MARCHF4: variants seen among roughly 807,000 people sequenced by gnomAD.
MARCHF4 encodes membrane associated ring-CH-type finger 4.
Under a neutral mutation model 43.9 loss-of-function variants are expected in MARCHF4, and 14 were observed. That is an observed-to-expected ratio of 0.32 (90% CI 0.21 to 0.50). MARCHF4 has a LOEUF of 0.50. MARCHF4 is among the 20% of genes least tolerant of loss of function. MARCHF4 has a pLI of 0.98. For synonymous variants in MARCHF4, 226 were observed against 213.3 expected, an observed-to-expected ratio of 1.06 and a Z score of -0.52; for missense variants, 468 against 536.7, an observed-to-expected ratio of 0.87 and a Z score of 1.27.
rs975360451 is a variant in MARCHF4 at position 216,372,185 on chromosome 2, C to T, written c.-1925G>A. On this transcript the variant is annotated 5_prime_UTR_variant, in exon 1 of 4. Coordinates refer to ENST00000273067, the MANE Select transcript of MARCHF4 (RefSeq NM_020814.3). ...GTTGCTCAGCACCCGCCGCTGCCCC[C>T]ACTGGCTCGATTCCCAAAGGGGTGG... is the stretch of plus-strand genomic sequence containing the variant. Among the ~76,000 whole-genome samples, 2 of 152,240 alleles carry T rather than the reference C, an allele frequency of 1.3e-5. No individual in the cohort carries two copies. The highest frequency in any genetic ancestry group is 2.4e-5 in the African/African-American group (1 of 41,472).
At chr2:216,338,437 T>C (rs1349059955) in intron 1 of MARCHF4, among the ~76,000 whole-genome samples, 1 of 152,184 alleles carries the variant, frequency 6.6e-6, no homozygotes, top group Non-Finnish European at 1.5e-5. Context: ...CTGCAGGTAG[T>C]AGCTTCAACA....
chr2:216,271,193 C>G (rs1008827971), intron 3 of MARCHF4, among the ~76,000 whole-genome samples: 1 of 152,194 alleles, frequency 6.6e-6, no homozygotes, highest in African/African-American at 2.4e-5. Context: ...AGCCCCTTGC[C>G]CATCACCCAC....
chr2:216,288,371 C>A lies in MARCHF4; in HGVS notation c.517-4642G>T, dbSNP rs947491660. Among the ~76,000 whole-genome samples the A allele has an allele frequency of 7.2e-5, 11 of 152,174 alleles. No homozygotes were observed. The East Asian group carries it at 1.7e-3, about 24-fold the overall frequency. ...ATTCTAACTCACATTTCTGTAAGAA[C>A]TTTAATTTCATAGTTTTTTCTTCTG... On this transcript the variant is annotated intron_variant, in intron 1 of 3. Transcript: ENST00000273067.
intron 1 of MARCHF4, among the ~76,000 whole-genome samples, chr2:216,293,983 ACC>A: frequency 6.6e-6 from 1 of 151,928 alleles, no homozygotes; most frequent in South Asian, 2.1e-4. Flanking sequence ...CATTACCATC[ACC>A]ATTGTTACCA....
rs876771 is a variant in MARCHF4, at chr2:216,283,694, C to A, written c.552G>T (p.Ser184=). The change falls in exon 2 of 4, where the codon TCG becomes TCT. Residue 184 remains serine (S), a synonymous_variant. Coordinates refer to ENST00000273067, the MANE Select transcript of MARCHF4 (RefSeq NM_020814.3). ...GGCAAGGCTGGTGTGTGCACTTGAC[C>A]GAGCCATCACAGCGGCATGGGCTCA... ...ELLSPCRCDG[S]VKCTHQPCLI... 0.47 allele frequency: 760,023 copies of A among 1,611,272 alleles called. 181,462 individuals carry two copies. Among genetic ancestry groups the A allele is most frequent in the South Asian group, 0.53 (48,278 of 90,972 alleles).
intron 3 of MARCHF4, among the ~76,000 whole-genome samples, chr2:216,268,664 T>A (rs957678028): frequency 7.9e-5 from 12 of 152,198 alleles, no homozygotes; most frequent in Admixed American, 2.0e-4. Context: ...TTTATAGCAG[T>A]GTGAAAATGG....
At chr2:216,296,568 G>A (rs1429096814) in intron 1 of MARCHF4, among the ~76,000 whole-genome samples, 3 of 152,152 alleles carry the variant, frequency 2.0e-5, no homozygotes, top group Non-Finnish European at 4.4e-5. Context: ...TGGGGGTTTT[G>A]TTTTGTCTGC....
At chr2:216,353,959 C>A (rs981667292) in intron 1 of MARCHF4, among the ~76,000 whole-genome samples, 4 of 152,182 alleles carry the variant, frequency 2.6e-5, no homozygotes, top group African/African-American at 9.7e-5. Context: ...GCTTCTGAAC[C>A]CACAAAGTTT....
intron 1 of MARCHF4, among the ~76,000 whole-genome samples, chr2:216,351,220 G>A (rs1692399284): frequency 6.6e-6 from 1 of 152,226 alleles, no homozygotes; most frequent in South Asian, 2.1e-4. Flanking sequence ...GCCACTGGGA[G>A]TCCCACTGCA....
intron 3 of MARCHF4, among the ~76,000 whole-genome samples, chr2:216,267,397 A>G (rs1690863225): frequency 6.6e-6 from 1 of 152,206 alleles, no homozygotes; most frequent in South Asian, 2.1e-4. Flanking sequence ...GGGGCAGAAG[A>G]CGACTTCTTC....
chr2:216,351,118 GT>G (rs2105979335), intron 1 of MARCHF4, among the ~76,000 whole-genome samples: 1 of 152,234 alleles, frequency 6.6e-6, no homozygotes, highest in African/African-American at 2.4e-5. Context: ...CATAATAGCT[GT>G]ACTTCTGCCC....
intron 1 of MARCHF4, among the ~76,000 whole-genome samples, chr2:216,345,121 C>A (rs996647838): frequency 2.0e-5 from 3 of 151,932 alleles, no homozygotes; most frequent in African/African-American, 7.3e-5. Context: ...GAAACATCAA[C>A]AAGTAAAGAA....
At chr2:216,270,430 A>G (rs183241161) in intron 3 of MARCHF4, among the ~76,000 whole-genome samples, 1 of 151,990 alleles carries the variant, frequency 6.6e-6, no homozygotes, top group East Asian at 1.9e-4. Flanking sequence ...TCAGTCACCA[A>G]CCCTTGTCAG....
intron 1 of MARCHF4, among the ~76,000 whole-genome samples, chr2:216,334,428 T>C (rs1559102119): frequency 6.6e-6 from 1 of 151,620 alleles, no homozygotes; most frequent in Non-Finnish European, 1.5e-5. Context: ...TTTTTTGGGG[T>C]CTTGCTCTGT....
Position 216,295,670 on chromosome 2 carries a change from G to C in MARCHF4, c.517-11941C>G, listed in dbSNP as rs536357074. ...TGCTTGTGGACAAGGGGTGCCTTCT[G>C]TGTATGGCCTTCCCAGGCACCTCAC... On this transcript the variant is annotated intron_variant, in intron 1 of 3. Transcript: ENST00000273067. 5.9e-5 allele frequency among the ~76,000 whole-genome samples: 9 copies of C among 152,350 alleles called. No individual in the cohort carries two copies. The East Asian group carries it at 1.7e-3, about 29-fold the overall frequency.
chr2:216,289,751 G>A (rs1691277351), intron 1 of MARCHF4, among the ~76,000 whole-genome samples: 1 of 152,212 alleles, frequency 6.6e-6, no homozygotes, highest in Non-Finnish European at 1.5e-5. Context: ...ATACAGTCTA[G>A]TGTAGCAAAG....
chr2:216,352,029 C>T (rs1385079452), intron 1 of MARCHF4, among the ~76,000 whole-genome samples: 1 of 152,006 alleles, frequency 6.6e-6, no homozygotes, highest in Non-Finnish European at 1.5e-5. Flanking sequence ...GCATTTCTGA[C>T]TTTTTTTTGG....
At chr2:216,315,022 A>G (rs2105958834) in intron 1 of MARCHF4, among the ~76,000 whole-genome samples, 1 of 152,376 alleles carries the variant, frequency 6.6e-6, no homozygotes, top group South Asian at 2.1e-4. Flanking sequence ...GTAAACTGGT[A>G]AAAATCATTA....
intron 3 of MARCHF4, among the ~76,000 whole-genome samples, chr2:216,264,074 C>T (rs1321097295): frequency 6.6e-6 from 1 of 152,150 alleles, no homozygotes; most frequent in Non-Finnish European, 1.5e-5. Flanking sequence ...AGAGCCTCTT[C>T]AGTCTCCAAC....
Sources: gnomAD v4.1 joint callset for allele counts (sites outside exome capture counted in the v4.1 genomes callset) on GRCh38, gnomAD v4.1.1 for gene constraint, MANE v1.5 for transcripts, NCBI Gene and HGNC (gene_info 2026-07-23, HGNC 2026-07-21) for gene names.